The following CSGALNACT1 variants were observed in gnomAD, a reference collection of about 807,000 sequenced individuals.
CSGALNACT1 encodes chondroitin sulfate N-acetylgalactosaminyltransferase 1.
A neutral mutation model predicts 51.0 loss-of-function variants in CSGALNACT1; 52 were observed. The ratio of observed to expected loss-of-function variants is 1.02; its 90% CI spans 0.82 to 1.29. CSGALNACT1 has a LOEUF of 1.29. CSGALNACT1 is among the 50% of genes most tolerant of loss of function. The probability of loss-of-function intolerance (pLI) is 0.00; values close to 1 mark genes in which losing one functional copy is unlikely to be tolerated. For synonymous variants in CSGALNACT1, 341 were observed against 254.4 expected (o/e 1.34, Z -3.24); for missense variants, 935 against 679.2 (o/e 1.38, Z -4.19).
At chr8:19,613,349 A>T (rs1038539415) in intron 1 of CSGALNACT1, among the ~76,000 whole-genome samples, 5 of 152,250 alleles carry the variant, frequency 3.3e-5, no homozygotes, top group Non-Finnish European at 7.3e-5. Context: ...TAAAATATAG[A>T]TCATCCCTTT....
At chr8:19,752,652 C>T (rs2065114985) in intron 1 of CSGALNACT1, among the ~76,000 whole-genome samples, 1 of 152,118 alleles carries the variant, frequency 6.6e-6, no homozygotes, top group Non-Finnish European at 1.5e-5. Context: ...AATACAAAAA[C>T]AAGGCTGGCC....
At chr8:19,435,550 C>CT (rs143997656) in intron 6 of CSGALNACT1, among the ~76,000 whole-genome samples, 2,239 of 151,980 alleles carry the variant, frequency 0.015, 50 homozygotes, top group African/African-American at 0.051. Flanking sequence ...AGCAGCATTT[C>CT]TCACAGTATG....
chr8:19,754,315 AT>A (rs2065225654), intron 1 of CSGALNACT1, among the ~76,000 whole-genome samples: 1 of 152,214 alleles, frequency 6.6e-6, no homozygotes, highest in African/African-American at 2.4e-5. Flanking sequence ...GATGTGAGAC[AT>A]TTTTTAAAAA....
intron 1 of CSGALNACT1, among the ~76,000 whole-genome samples, chr8:19,691,734 G>C (rs1472351098): frequency 6.6e-6 from 1 of 152,190 alleles, no homozygotes; most frequent in Non-Finnish European, 1.5e-5. Flanking sequence ...TCTGCTGTAA[G>C]ATGGAGCTAA....
At chr8:19,686,238 C>G (rs543996832), upstream of CSGALNACT1, among the ~76,000 whole-genome samples, 1 of 152,266 alleles carries the variant, frequency 6.6e-6, no homozygotes, top group South Asian at 2.1e-4. Flanking sequence ...AGGGGACACA[C>G]AGGGTGGTCT....
At chr8:19,705,071 T>A (rs34535863) in intron 1 of CSGALNACT1, among the ~76,000 whole-genome samples, 6,050 of 152,296 alleles carry the variant, frequency 0.04, 198 homozygotes, top group Non-Finnish European at 0.057. Flanking sequence ...AGAGGGTAGA[T>A]CTTAAGTATT....
intron 3 of CSGALNACT1, among the ~76,000 whole-genome samples, chr8:19,530,311 T>TACACAC (rs72389712): frequency 1.2e-4 from 7 of 59,790 alleles, no homozygotes; most frequent in Non-Finnish European, 1.8e-4. Flanking sequence ...TGTGTACACA[T>TACACAC]ACACACACAC....
At chr8:19,655,387 G>C (rs376585948) in intron 1 of CSGALNACT1, among the ~76,000 whole-genome samples, 1 of 151,964 alleles carries the variant, frequency 6.6e-6, no homozygotes, top group Non-Finnish European at 1.5e-5. Context: ...TTGAGGTAGG[G>C]TCTCACTCTG....
intron 4 of CSGALNACT1, 152 bp from the exon 4 acceptor site, chr8:19,458,794 A>G: frequency 1.4e-6 from 1 of 739,310 alleles, no homozygotes; most frequent in Admixed American, 2.5e-5. Flanking sequence ...GCTCCCAATT[A>G]AAAAATTCCA....
At chr8:19,635,270 G>A (rs1425262011) in intron 1 of CSGALNACT1, among the ~76,000 whole-genome samples, 1 of 152,314 alleles carries the variant, frequency 6.6e-6, no homozygotes, top group African/African-American at 2.4e-5. Flanking sequence ...TGGCGAGTAG[G>A]CCCGTGCAAG....
chr8:19,491,514 GTCA>G (rs2074354439), intron 4 of CSGALNACT1, among the ~76,000 whole-genome samples: 1 of 152,150 alleles, frequency 6.6e-6, no homozygotes, highest in African/African-American at 2.4e-5. Context: ...AACAATATGT[GTCA>G]TCATTTATAA....
intron 5 of CSGALNACT1, 55 bp downstream of exon 4, chr8:19,458,371 C>T: frequency 7.5e-7 from 1 of 1,341,968 alleles, no homozygotes. Context: ...GAAATGATAT[C>T]AGTGTTCTAA....
At chr8:19,632,202 T>C (rs1278947441) in intron 1 of CSGALNACT1, among the ~76,000 whole-genome samples, 2 of 152,282 alleles carry the variant, frequency 1.3e-5, no homozygotes, top group Non-Finnish European at 2.9e-5. Context: ...TCCACAGTTA[T>C]GACTTTATGA....
upstream of CSGALNACT1, among the ~76,000 whole-genome samples, chr8:19,604,756 A>AAG (rs1361287379): frequency 6.8e-6 from 1 of 147,524 alleles, no homozygotes; most frequent in East Asian, 1.9e-4. Context: ...AAAAAAAAAA[A>AAG]AAAAAAAAAT....
chr8:19,577,446 A>G (rs2044515070), intron 3 of CSGALNACT1, among the ~76,000 whole-genome samples: 1 of 151,292 alleles, frequency 6.6e-6, no homozygotes, highest in Admixed American at 6.6e-5. Flanking sequence ...CTGTAGTCCC[A>G]GCTACCCAGG....
intron 1 of CSGALNACT1, among the ~76,000 whole-genome samples, chr8:19,634,061 TGTTTG>T (rs1392379538): frequency 6.6e-6 from 1 of 152,236 alleles, no homozygotes; most frequent in African/African-American, 2.4e-5. Context: ...CTTGGGAGTT[TGTTTG>T]GTTTAATTTT....
intron 1 of CSGALNACT1, among the ~76,000 whole-genome samples, chr8:19,677,172 A>C (rs775635805): frequency 2.0e-5 from 3 of 152,082 alleles, no homozygotes; most frequent in Non-Finnish European, 4.4e-5. Context: ...ACAGTCTTAT[A>C]ATCTCTACTC....
chr8:19,405,709 C>T, exon 10 of CSGALNACT1: 1 of 1,592,780 alleles, frequency 6.3e-7, no homozygotes, highest in Non-Finnish European at 8.6e-7. Flanking sequence ...GAAGTCTTTT[C>T]TCTGTTGCAG....
At chr8:19,587,587 A>G (rs919415925) in intron 3 of CSGALNACT1, among the ~76,000 whole-genome samples, 1 of 152,250 alleles carries the variant, frequency 6.6e-6, no homozygotes, top group Admixed American at 6.5e-5. Context: ...TCCTGGAATA[A>G]GGTTACCAGA....
Sources: allele counts gnomAD v4.1 joint callset (sites outside exome capture counted in the v4.1 genomes callset), GRCh38; gene constraint gnomAD v4.1.1; transcripts MANE v1.5; gene names NCBI Gene and HGNC (gene_info 2026-07-23, HGNC 2026-07-21).